Variants in GTF2A1L observed in about 807,000 individuals in gnomAD.
GTF2A1L encodes general transcription factor IIA subunit 1 like.
Under a neutral mutation model 49.7 loss-of-function variants are expected in GTF2A1L, and 48 were observed. That is an observed-to-expected ratio of 0.97 (90% confidence interval 0.77 to 1.23). The LOEUF (loss-of-function observed/expected upper bound fraction) is 1.23. GTF2A1L is among the 50% of genes most tolerant of loss of function. The pLI, the probability that GTF2A1L is intolerant of heterozygous loss-of-function variation, is 0.00. For missense variants in GTF2A1L, 736 were observed against 564.8 expected, an observed-to-expected ratio of 1.30 and a Z score of -3.07; for synonymous variants, 246 against 193.5, an observed-to-expected ratio of 1.27 and a Z score of -2.25.
At chr2:48,632,217 G>A (rs997437344) in intron 3 of GTF2A1L, 2 of 152,040 alleles carry the variant, frequency 1.3e-5, no homozygotes, top group Non-Finnish European at 2.9e-5. Context: ...TCCCTCTATA[G>A]AAGTTATCTA....
At chr2:48,625,805 A>G (rs540034889) in intron 3 of GTF2A1L, among the ~76,000 whole-genome samples, 1 of 142,354 alleles carries the variant, frequency 7.0e-6, no homozygotes, top group African/African-American at 2.5e-5. Flanking sequence ...CTGGTCTTGA[A>G]CTCTTGGAAT....
At chr2:48,654,923 CAGAG>C (rs1572747381) in intron 6 of GTF2A1L, among the ~76,000 whole-genome samples, 2 of 152,144 alleles carry the variant, frequency 1.3e-5, no homozygotes, top group African/African-American at 4.8e-5. Context: ...TATAGTAAAT[CAGAG>C]AGTGTGAATC....
In GTF2A1L at chr2:48,634,537, C is replaced by G. The variant is rs984572112; in HGVS notation, c.248-7865C>G. Among the ~76,000 whole-genome samples, 3 of 152,154 alleles carry G rather than the reference C, an allele frequency of 2.0e-5. No homozygotes were observed. In the East Asian group the frequency reaches 5.8e-4, roughly 29 times the overall value. ...TGTTTTCATGGTAGCTGGCATCAGT[C>G]TTTTGTTTCCGTGATTAGAACTCCC... On this transcript the variant is annotated intron_variant, in intron 3 of 8. Transcript: ENST00000403751.
intron 6 of GTF2A1L, among the ~76,000 whole-genome samples, chr2:48,663,663 C>T (rs947897586): frequency 2.0e-5 from 3 of 151,990 alleles, no homozygotes; most frequent in Middle Eastern, 3.2e-3. Flanking sequence ...TATTTTGAGA[C>T]AGGGTCTTGC....
rs111881645 is a variant in GTF2A1L, at chr2:48,663,261, C to A, written c.979-6461C>A. 5.9e-4 allele frequency among the ~76,000 whole-genome samples: 90 copies of A among 152,028 alleles called. 1 individual carries two copies. Among genetic ancestry groups the A allele is most frequent in the African/African-American group, 2.1e-3 (85 of 41,462 alleles). On this transcript the variant is annotated intron_variant, in intron 6 of 8. Transcript: ENST00000403751. ...CCAGCCTAGGCAACATTGCAAAACC[C>A]CATCAATATAAAAAATACAAAAAAA...
intron 8 of GTF2A1L, among the ~76,000 whole-genome samples, chr2:48,678,685 G>A (rs1415659394): frequency 6.6e-6 from 1 of 152,062 alleles, no homozygotes; most frequent in Non-Finnish European, 1.5e-5. Flanking sequence ...AGCCAGCAGA[G>A]TCTTACAGAT....
chr2:48,619,394 T>A (rs1188430935), intron 1 of GTF2A1L, among the ~76,000 whole-genome samples: 1 of 150,992 alleles, frequency 6.6e-6, no homozygotes, highest in Non-Finnish European at 1.5e-5. Context: ...CACTTGAACT[T>A]AGGAGGCAGA....
intron 6 of GTF2A1L, 63 bp downstream of exon 6, chr2:48,647,105 C>G: frequency 7.6e-7 from 1 of 1,313,318 alleles, no homozygotes; most frequent in East Asian, 2.5e-5. Context: ...ACTGGATATC[C>G]TGAATATTTT....
At chr2:48,627,210 A>G (rs572028827) in intron 3 of GTF2A1L, among the ~76,000 whole-genome samples, 1 of 144,294 alleles carries the variant, frequency 6.9e-6, no homozygotes, top group Non-Finnish European at 1.6e-5. Context: ...AAAAAAGGGA[A>G]GCATTTTAAT....
intron 8 of GTF2A1L, among the ~76,000 whole-genome samples, chr2:48,672,313 A>G (rs1340571603): frequency 6.6e-6 from 1 of 152,236 alleles, no homozygotes; most frequent in Non-Finnish European, 1.5e-5. Context: ...TATTGGATGT[A>G]TAGTACTAGG....
At chr2:48,637,726 G>C (rs1332734465) in intron 3 of GTF2A1L, among the ~76,000 whole-genome samples, 1 of 152,096 alleles carries the variant, frequency 6.6e-6, no homozygotes, top group Non-Finnish European at 1.5e-5. Flanking sequence ...TAGGCTGCTG[G>C]CTAGACTACT....
In GTF2A1L at chr2:48,621,171, G is replaced by C; in HGVS notation, c.128G>C (p.Trp43Ser). 6.2e-7 allele frequency: 1 copy of C among 1,611,940 alleles called. No homozygotes were observed. Among genetic ancestry groups the C allele is most frequent in the Non-Finnish European group, 8.5e-7 (1 of 1,179,254 alleles). ...EQVLKDLKQL[W>S]ETKVLQSKAT... ...CTTTTTTTTTCCCCTCTGCAGCTCT[G>C]GGAAACCAAGGTTTTGCAGTCTAAA... Residue 43 changes from tryptophan (W) to serine (S), a missense_variant, in exon 3 of 9, where the codon TGG becomes TCG. Trp to Ser is a radical substitution (Grantham distance 177, BLOSUM62 -3). Transcript: ENST00000403751.
chr2:48,626,020 G>A (rs1252398423), intron 3 of GTF2A1L, among the ~76,000 whole-genome samples: 1 of 144,032 alleles, frequency 6.9e-6, no homozygotes, highest in Non-Finnish European at 1.6e-5. Flanking sequence ...TAGGTCTTTT[G>A]TCTATTTTGA....
intron 6 of GTF2A1L, among the ~76,000 whole-genome samples, chr2:48,669,006 C>T (rs1178976495): frequency 6.6e-6 from 1 of 151,930 alleles, no homozygotes; most frequent in Non-Finnish European, 1.5e-5. Context: ...ATATTTTTTA[C>T]TTTTGTTGTG....
Position 48,628,399 on chromosome 2 carries a change from C to T in GTF2A1L, c.247+7109C>T, listed in dbSNP as rs541609150. On this transcript the variant is annotated intron_variant, in intron 3 of 8. Transcript: ENST00000403751. ...CTTGCCAGCATTGGTTGCTTTTTGA[C>T]TTTTTAATAATAGCCATTGTGACTG... is the stretch of plus-strand genomic sequence containing the variant. Among the ~76,000 whole-genome samples the T allele has an allele frequency of 3.1e-4, 44 of 144,030 alleles. 3 individuals carry two copies. Among genetic ancestry groups the T allele is most frequent in the African/African-American group, 9.9e-4 (40 of 40,586 alleles). The allele number at this position is 144,030 out of a possible 152,430, so 94.5% of individuals were successfully genotyped here.
At chr2:48,672,143 T>C (rs921472915) in intron 8 of GTF2A1L, among the ~76,000 whole-genome samples, 2 of 152,162 alleles carry the variant, frequency 1.3e-5, no homozygotes, top group African/African-American at 4.8e-5. Flanking sequence ...CCATGGGTGA[T>C]GTGGGGTTTT....
At chr2:48,645,968 A>G (rs923898230) in intron 5 of GTF2A1L, among the ~76,000 whole-genome samples, 4 of 147,218 alleles carry the variant, frequency 2.7e-5, no homozygotes, top group Non-Finnish European at 6.0e-5. Context: ...TTTCTTTTAT[A>G]GTGTTATTTT....
chr2:48,659,375 T>C (rs888790674), intron 6 of GTF2A1L, among the ~76,000 whole-genome samples: 1 of 152,166 alleles, frequency 6.6e-6, no homozygotes, highest in African/African-American at 2.4e-5. Flanking sequence ...TTTATTATTG[T>C]AATTTTGTAG....
chr2:48,652,958 G>T (rs920005991), intron 6 of GTF2A1L, among the ~76,000 whole-genome samples: 1 of 151,874 alleles, frequency 6.6e-6, no homozygotes, highest in African/African-American at 2.4e-5. Context: ...GGCCGGGCAC[G>T]GTGGCTCACG....
Sources: gnomAD v4.1 joint callset for allele counts (sites outside exome capture counted in the v4.1 genomes callset) on GRCh38, gnomAD v4.1.1 for gene constraint, MANE v1.5 for transcripts, NCBI Gene and HGNC (gene_info 2026-07-23, HGNC 2026-07-21) for gene names.